The following CALR3 variants were observed in gnomAD, a reference collection of about 807,000 sequenced individuals.
The protein encoded by CALR3 is calreticulin 3.
Under a neutral mutation model 48.7 loss-of-function variants are expected in CALR3, and 39 were observed. That is an observed-to-expected ratio of 0.80 (90% CI 0.62 to 1.05). CALR3 has a LOEUF of 1.05. CALR3 is among the 50% of genes least tolerant of loss of function. CALR3 has a pLI of 0.00. For synonymous variants in CALR3, 185 were observed against 172.7 expected (o/e 1.07, Z -0.56); for missense variants, 449 against 474.7 (o/e 0.95, Z 0.50).
chr19:16,481,742 G>GCC (rs925313157), intron 7 of CALR3, among the ~76,000 whole-genome samples: 1 of 151,568 alleles, frequency 6.6e-6, no homozygotes, highest in Admixed American at 6.6e-5. Context: ...CAGGCAATCT[G>GCC]CCCCCCTCAG....
At chr19:16,485,308 A>C (rs376328487) in intron 3 of CALR3, 51 bp from the exon 4 acceptor site, 79 of 1,148,128 alleles carry the variant, frequency 6.9e-5, no homozygotes, top group Non-Finnish European at 1.0e-4. Flanking sequence ...GCATCACCGT[A>C]GAATAACCAA....
intron 7 of CALR3, among the ~76,000 whole-genome samples, chr19:16,481,391 C>CT: frequency 6.6e-6 from 1 of 151,310 alleles, no homozygotes; most frequent in Admixed American, 6.6e-5. Flanking sequence ...TCCTTTCCCT[C>CT]TAAGGCACTG....
rs186753715 is a variant in CALR3 at position 16,488,160 on chromosome 19, G to T, written c.397+2207C>A. 2.0e-5 allele frequency among the ~76,000 whole-genome samples: 3 copies of T among 152,140 alleles called. No individual in the cohort carries two copies. The East Asian group carries it at 5.8e-4, about 29-fold the overall frequency. On this transcript the variant is annotated intron_variant, in intron 3 of 8. Transcript: ENST00000269881. The stretch of plus-strand genomic sequence containing the variant: ...AACGGGGTTTCTCCATGTTGGTCAA[G>T]CTGGTCTCGAACTCCCGACCTAAGG...
rs2093376320 is a variant in CALR3 at position 16,479,199 on chromosome 19, G to GCTCTTCCTC, written c.1078_1086dup (p.Glu360_Glu362dup). The GCTCTTCCTC allele has an allele frequency of 1.2e-6, 2 of 1,613,994 alleles. No homozygotes were observed. The highest frequency in any genetic ancestry group is 2.7e-5 in the African/African-American group (2 of 74,902). ...TGCCTGTTAATTTTTCCCGACAGCAGCTCTTCCTCCTCTTCCTCGCGGGCC... is the reference window on the plus strand; with the variant it reads ...TGCCTGTTAATTTTTCCCGACAGCAGCTCTTCCTCCTCTTCCTCCTCTTCCTCGCGGGCC... On this transcript the variant is annotated inframe_insertion, in exon 9 of 9. Transcript: ENST00000269881.
At chr19:16,488,720 A>G (rs2093393050) in intron 3 of CALR3, among the ~76,000 whole-genome samples, 1 of 151,976 alleles carries the variant, frequency 6.6e-6, no homozygotes, top group African/African-American at 2.4e-5. Context: ...AGGTACATTT[A>G]TTATTAAAGT....
chr19:16,489,049 G>T (rs113190508), intron 3 of CALR3, among the ~76,000 whole-genome samples: 1 of 152,286 alleles, frequency 6.6e-6, no homozygotes, highest in South Asian at 2.1e-4. Flanking sequence ...TAATTTTCAT[G>T]TATCACAAAA....
At chr19:16,487,604 CTATTTT>C (rs1350756551) in intron 3 of CALR3, among the ~76,000 whole-genome samples, 1 of 150,368 alleles carries the variant, frequency 6.7e-6, no homozygotes, top group Non-Finnish European at 1.5e-5. Flanking sequence ...TTTTTTAGTT[CTATTTT>C]TATTTTTATT....
chr19:16,484,942 A>G (rs1169411032), intron 4 of CALR3, among the ~76,000 whole-genome samples: 2 of 152,202 alleles, frequency 1.3e-5, no homozygotes, highest in African/African-American at 2.4e-5. Flanking sequence ...AGCTCACAGT[A>G]AAAAATGAGA....
At chr19:16,485,016 G>T in intron 4 of CALR3, 147 bp downstream of exon 4, 1 of 646,904 alleles carries the variant, frequency 1.5e-6, no homozygotes, top group East Asian at 2.8e-5. Context: ...TCTCCAATGG[G>T]CCCCCTAAAC....
At chr19:16,492,733 G>A (rs374727801) in intron 2 of CALR3, among the ~76,000 whole-genome samples, 109 of 152,072 alleles carry the variant, frequency 7.2e-4, no homozygotes, top group African/African-American at 2.4e-3. Context: ...TTAGCCGGGC[G>A]TGGTGGCAGG....
At chr19:16,489,867 A>C (rs963374837) in intron 3 of CALR3, among the ~76,000 whole-genome samples, 6 of 151,726 alleles carry the variant, frequency 4.0e-5, no homozygotes, top group African/African-American at 1.5e-4. Context: ...CAAACAAACA[A>C]AAAAACTACA....
chr19:16,495,327 G>C (rs2093405363), intron 2 of CALR3, among the ~76,000 whole-genome samples: 1 of 151,884 alleles, frequency 6.6e-6, no homozygotes, highest in Admixed American at 6.6e-5. Context: ...CACTTTGGGA[G>C]GCCAAGGTGG....
At chr19:16,495,180 C>G (rs562120886) in intron 2 of CALR3, among the ~76,000 whole-genome samples, 1 of 147,318 alleles carries the variant, frequency 6.8e-6, no homozygotes, top group Non-Finnish European at 1.5e-5. Context: ...GAGCCAAGAT[C>G]GTGCCACTGC....
At chr19:16,487,155 G>A (rs185399495) in intron 3 of CALR3, among the ~76,000 whole-genome samples, 5 of 151,872 alleles carry the variant, frequency 3.3e-5, no homozygotes, top group South Asian at 4.2e-4. Context: ...ACAGGGGTGC[G>A]CCACCTCACT....
At chr19:16,495,938 C>A (rs1307321216) in intron 1 of CALR3, 86 bp from the exon 2 acceptor site, 21 of 1,563,234 alleles carry the variant, frequency 1.3e-5, no homozygotes, top group Non-Finnish European at 1.6e-5. Flanking sequence ...CTCGAGGATT[C>A]GAGGGTTCGC....
chr19:16,492,488 T>C (rs978671031), intron 2 of CALR3, among the ~76,000 whole-genome samples: 1 of 152,006 alleles, frequency 6.6e-6, no homozygotes, highest in Non-Finnish European at 1.5e-5. Context: ...TCCAACACTT[T>C]GGGAGGCCGA....
At chr19:16,479,676 T>C (rs2093377527) in intron 8 of CALR3, among the ~76,000 whole-genome samples, 1 of 150,812 alleles carries the variant, frequency 6.6e-6, no homozygotes, top group South Asian at 2.1e-4. Flanking sequence ...AGAGGATCAT[T>C]TGAACCTAGG....
intron 8 of CALR3, among the ~76,000 whole-genome samples, chr19:16,480,200 CAAAAAAAA>C (rs57759885): frequency 2.5e-3 from 174 of 70,818 alleles, no homozygotes; most frequent in Non-Finnish European, 3.8e-3. Flanking sequence ...GACTCCGTCT[CAAAAAAAA>C]AAAAAAAAAA....
At position 16,484,048 on chromosome 19, in the gene CALR3, T is replaced by C; in HGVS notation, c.560A>G (p.Asp187Gly). ...RPDLSYDVKI[D>G]GQSIESGSIE... The stretch of plus-strand genomic sequence containing the variant: ...GCTGCCGGATTCAATTGACTGACCA[T>C]CAATTTTCACATCATAAGAAAGATC... The change falls in exon 5 of 9, where the codon GAT becomes GGT. Residue 187 changes from aspartate to glycine, a missense_variant. Transcript: ENST00000269881. 6.2e-7 allele frequency: 1 copy of C among 1,614,094 alleles called. No individual in the cohort carries two copies. The highest frequency in any genetic ancestry group is 8.5e-7 in the Non-Finnish European group (1 of 1,180,028).
Sources: allele counts gnomAD v4.1 joint callset (sites outside exome capture counted in the v4.1 genomes callset), GRCh38; gene constraint gnomAD v4.1.1; transcripts MANE v1.5; gene names NCBI Gene and HGNC (gene_info 2026-07-23, HGNC 2026-07-21).